Variants in TTC23 observed in about 807,000 individuals in gnomAD.
TTC23 encodes the protein tetratricopeptide repeat protein 23.
TTC23 carries 58 observed loss-of-function variants against 55.1 expected under a neutral mutation model. The ratio of observed to expected loss-of-function variants is 1.05; its 90% CI spans 0.85 to 1.31. The LOEUF is 1.31. Ranked by LOEUF, TTC23 falls within the 50% of genes most tolerant of loss-of-function variation. The pLI is 0.00. For missense variants in TTC23, 516 were observed against 534.4 expected, an observed-to-expected ratio of 0.97 and a Z score of 0.34; for synonymous variants, 203 against 199.9, an observed-to-expected ratio of 1.02 and a Z score of -0.13.
Position 99,161,794 on chromosome 15 carries a change from A to C in TTC23, c.939T>G (p.Phe313Leu). 6.2e-7 allele frequency: 1 copy of C among 1,613,742 alleles called. No homozygotes were observed. The highest frequency in any genetic ancestry group is 2.2e-5 in the East Asian group (1 of 44,844). Residue 313 changes from phenylalanine (F) to leucine (L), a missense_variant, in exon 11 of 14, where the codon TTT becomes TTG. Coordinates refer to ENST00000394132, the MANE Select transcript of TTC23 (RefSeq NM_001288615.3). ...GGCAAAATTCATCTTGAATTGAAAGAAATTTGGTTCTTCCCATCCCTTCAG... is the reference window on the plus strand; with the variant it reads ...GGCAAAATTCATCTTGAATTGAAAGCAATTTGGTTCTTCCCATCCCTTCAG... ...KDSEGMGRTKFLSIQDEFCHF... is the reference protein window; with the variant it reads ...KDSEGMGRTKLLSIQDEFCHF...
intron 4 of TTC23, among the ~76,000 whole-genome samples, chr15:99,232,889 T>C (rs2079040017): frequency 6.6e-6 from 1 of 152,202 alleles, no homozygotes; most frequent in Non-Finnish European, 1.5e-5. Flanking sequence ...TTAATGTAAA[T>C]GTCTATCAAC....
At chr15:99,151,176 A>C (rs927834312) in intron 12 of TTC23, 4 of 152,326 alleles carry the variant, frequency 2.6e-5, no homozygotes, top group African/African-American at 7.2e-5. Flanking sequence ...TGCCAAAAAC[A>C]GGGAGGGATG....
intron 9 of TTC23, among the ~76,000 whole-genome samples, chr15:99,177,760 T>C (rs1433255088): frequency 6.6e-6 from 1 of 152,250 alleles, no homozygotes; most frequent in Non-Finnish European, 1.5e-5. Context: ...AAAATGTTAA[T>C]AGATATGTGT....
rs115756521 is a variant in TTC23 at position 99,215,562 on chromosome 15, T to A, written c.581+3026A>T. Among the ~76,000 whole-genome samples the A allele has an allele frequency of 3.5e-3, 538 of 151,978 alleles. 2 individuals are homozygous for A. Among genetic ancestry groups the A allele is most frequent in the African/African-American group, 0.013 (523 of 41,486 alleles). ...GAGTTCAAGACCAGGCTGGGCAACA[T>A]AGCGAAATTTCATCTCTACAAAAAA... is the stretch of plus-strand genomic sequence containing the variant. On this transcript the variant is annotated intron_variant, in intron 8 of 13. Coordinates refer to ENST00000394132, the MANE Select transcript of TTC23 (RefSeq NM_001288615.3).
rs755852240 is a variant in TTC23 at position 99,228,723 on chromosome 15, ACATT to A, written c.-15_-12del. The A allele has an allele frequency of 1.3e-6, 2 of 1,557,214 alleles. No homozygotes were observed. The highest frequency in any genetic ancestry group is 1.7e-6 in the Non-Finnish European group (2 of 1,152,492). ...CTGTGATTCTTGCATATTTTTATAT[ACATT>A]GTCTTCTAATTTTAAAATAAAAAAC... On this transcript the variant is annotated 5_prime_UTR_variant, in exon 5 of 14. An upstream start codon of the reference 5' UTR is lost. Coordinates refer to ENST00000394132, the MANE Select transcript of TTC23 (RefSeq NM_001288615.3).
intron 8 of TTC23, among the ~76,000 whole-genome samples, chr15:99,204,196 C>T (rs182229008): frequency 6.6e-5 from 10 of 152,088 alleles, no homozygotes; most frequent in East Asian, 1.9e-4. Flanking sequence ...AATCGGGGTG[C>T]GATATCTCAT....
intron 4 of TTC23, among the ~76,000 whole-genome samples, chr15:99,229,916 T>C (rs2078795270): frequency 6.6e-6 from 1 of 152,128 alleles, no homozygotes; most frequent in Non-Finnish European, 1.5e-5. Flanking sequence ...CCTAAAAGGA[T>C]CAAACTGTTT....
At chr15:99,221,663 TAATTAAGTGTG>T (rs1380258035) in intron 6 of TTC23, 67 bp downstream of exon 6, 19 of 1,572,828 alleles carry the variant, frequency 1.2e-5, no homozygotes, top group Non-Finnish European at 1.4e-5. Flanking sequence ...CTGATCCTTC[TAATTAAGTGTG>T]AATCAAATTT....
chr15:99,139,893 G>A, intron 12 of TTC23: 2 of 539,574 alleles, frequency 3.7e-6, no homozygotes, highest in Non-Finnish European at 5.7e-6. Context: ...CCCAGGGCTG[G>A]CTTTGGCTTG....
intron 10 of TTC23, among the ~76,000 whole-genome samples, chr15:99,170,265 G>A (rs781003401): frequency 4.6e-5 from 7 of 152,152 alleles, no homozygotes; most frequent in East Asian, 1.9e-4. Flanking sequence ...CAGCTTGTGC[G>A]TCGAGACTGA....
chr15:99,195,058 C>T (rs2075585568), intron 9 of TTC23, among the ~76,000 whole-genome samples: 2 of 152,122 alleles, frequency 1.3e-5, no homozygotes, highest in Admixed American at 1.3e-4. Context: ...AGGCACAATC[C>T]ATGAATGACA....
rs943528187 is a variant in TTC23, at chr15:99,234,566, G to T, written c.-21+422C>A. Reference sequence around the variant, plus strand: ...TTTTTGTATTTTTAGTAGAGACAGGGTTTCACCATATTAGCCAGGATGGTC... The same window carrying T: ...TTTTTGTATTTTTAGTAGAGACAGGTTTTCACCATATTAGCCAGGATGGTC... On this transcript the variant is annotated intron_variant, in intron 4 of 13. Coordinates refer to ENST00000394132, the MANE Select transcript of TTC23 (RefSeq NM_001288615.3). 2.6e-5 allele frequency among the ~76,000 whole-genome samples: 4 copies of T among 151,974 alleles called. No individual in the cohort carries two copies. The East Asian group carries it at 7.7e-4, about 29-fold the overall frequency.
intron 10 of TTC23, among the ~76,000 whole-genome samples, chr15:99,173,018 A>G (rs2073131228): frequency 6.6e-6 from 1 of 152,230 alleles, no homozygotes; most frequent in Admixed American, 6.5e-5. Context: ...TCATACCTGC[A>G]GTGAGTACAC....
At chr15:99,190,788 A>AT (rs891226594) in intron 9 of TTC23, among the ~76,000 whole-genome samples, 92 of 150,076 alleles carry the variant, frequency 6.1e-4, no homozygotes, top group East Asian at 4.7e-3. Context: ...ATGTCTTTTT[A>AT]TTTTTTTTTG....
At chr15:99,232,205 C>T (rs537228910) in intron 4 of TTC23, among the ~76,000 whole-genome samples, 10 of 151,546 alleles carry the variant, frequency 6.6e-5, no homozygotes, top group Non-Finnish European at 1.3e-4. Context: ...TTTGGCGGGG[C>T]GCGGTGGCTC....
At chr15:99,225,703 C>CAA (rs2078345321) in intron 5 of TTC23, among the ~76,000 whole-genome samples, 1 of 152,184 alleles carries the variant, frequency 6.6e-6, no homozygotes. Flanking sequence ...ATGTGGAAGT[C>CAA]AGAGACTGGC....
intron 10 of TTC23, among the ~76,000 whole-genome samples, chr15:99,167,306 C>A (rs2072256428): frequency 6.6e-6 from 1 of 152,214 alleles, no homozygotes; most frequent in Non-Finnish European, 1.5e-5. Flanking sequence ...CACAAGGCCA[C>A]CCCTACCTTT....
chr15:99,220,370 A>T (rs1403679874), intron 6 of TTC23, among the ~76,000 whole-genome samples: 1 of 152,246 alleles, frequency 6.6e-6, no homozygotes, highest in East Asian at 1.9e-4. Context: ...AAGGACTGTC[A>T]CGCAGAGAGG....
At chr15:99,144,000 G>A (rs549039754) in intron 12 of TTC23, among the ~76,000 whole-genome samples, 2 of 152,278 alleles carry the variant, frequency 1.3e-5, no homozygotes, top group Admixed American at 1.3e-4. Context: ...CCTCTGCTAG[G>A]GAAGTTCCAC....
Sources: allele counts gnomAD v4.1 joint callset (sites outside exome capture counted in the v4.1 genomes callset), GRCh38; gene constraint gnomAD v4.1.1; transcripts MANE v1.5; gene names NCBI Gene and HGNC (gene_info 2026-07-23, HGNC 2026-07-21).